MED13: variants seen among roughly 807,000 people sequenced by gnomAD.
The protein encoded by MED13 is mediator of RNA polymerase II transcription subunit 13.
MED13 carries 23 observed loss-of-function variants against 225.2 expected under a neutral mutation model. The observed-to-expected ratio is 0.10, with a 90% confidence interval of 0.07 to 0.14. The LOEUF is 0.14. MED13 is among the 10% of genes least tolerant of loss of function. The pLI is 1.00. For missense variants in MED13, 2,197 were observed against 2,594.5 expected (o/e 0.85, Z 3.33); for synonymous variants, 942 against 889.2 (o/e 1.06, Z -1.06).
chr17:61,971,405 T>C (rs1285061022), intron 17 of MED13, among the ~76,000 whole-genome samples: 1 of 151,738 alleles, frequency 6.6e-6, no homozygotes, highest in Non-Finnish European at 1.5e-5. Context: ...TGATTCTTCT[T>C]CTCCTGCCAC....
Position 62,029,908 on chromosome 17 carries a change from G to A in MED13, c.1115C>T (p.Ala372Val). 1.9e-6 allele frequency: 3 copies of A among 1,613,906 alleles called. No homozygotes were observed. Among genetic ancestry groups the A allele is most frequent in the Non-Finnish European group, 2.5e-6 (3 of 1,179,978 alleles). ...CCAAACTCTATCCACCACATGATTT[G>A]CTAATTTTCTGGGTATTTTCCCACC... ...HHGGKIPRKL[A>V]NHVVDRVWQE... The change falls in exon 7 of 30, where the codon GCA becomes GTA. Residue 372 changes from alanine to valine, a missense_variant. By Grantham distance (64) the Ala-to-Val change is moderately conservative. Coordinates refer to ENST00000397786, the MANE Select transcript of MED13 (RefSeq NM_005121.3).
intron 10 of MED13, among the ~76,000 whole-genome samples, chr17:61,993,691 A>G (rs1051716808): frequency 3.3e-5 from 5 of 151,768 alleles, no homozygotes; most frequent in Non-Finnish European, 7.4e-5. Context: ...GCACTTTGGG[A>G]GGCCGAGGCG....
At chr17:61,949,684 C>CT (rs540753006) in intron 28 of MED13, among the ~76,000 whole-genome samples, 5 of 151,588 alleles carry the variant, frequency 3.3e-5, no homozygotes, top group Admixed American at 6.6e-5. Context: ...GATTATAAAT[C>CT]TTTTTTTTGT....
At chr17:61,978,648 A>AGGTAGTATATAGTGCTAGAGTCAT (rs927181845) in intron 16 of MED13, among the ~76,000 whole-genome samples, 27 of 152,328 alleles carry the variant, frequency 1.8e-4, no homozygotes, top group African/African-American at 5.8e-4. Context: ...CCAAGGTAGC[A>AGGTAGTATATAGTGCTAGAGTCAT]GGTAGTATAT....
intron 8 of MED13, among the ~76,000 whole-genome samples, chr17:62,015,698 C>A (rs1379308856): frequency 6.7e-6 from 1 of 148,654 alleles, no homozygotes; most frequent in African/African-American, 2.5e-5. Context: ...CTCAGCCTCC[C>A]GAGTAGCTGG....
At chr17:62,058,534 A>AG in intron 2 of MED13, among the ~76,000 whole-genome samples, 1 of 151,156 alleles carries the variant, frequency 6.6e-6, no homozygotes, top group African/African-American at 2.4e-5. Flanking sequence ...AAAAAAAAAA[A>AG]AAAAAAAAGA....
Position 62,035,559 on chromosome 17 carries a change from C to T in MED13, c.520G>A (p.Val174Ile). 3 of 1,613,784 alleles carry T rather than the reference C, an allele frequency of 1.9e-6. No homozygotes were observed. The highest frequency in any genetic ancestry group is 2.5e-6 in the Non-Finnish European group (3 of 1,179,844). ...TGGTTAATTTCCACACTGGTACAAACATTGCTGTCTCCATGCAAGAAAAAG... is the reference window on the plus strand; with the variant it reads ...TGGTTAATTTCCACACTGGTACAAATATTGCTGTCTCCATGCAAGAAAAAG... ...FTFFLHGDSN[V>I]CTSVEINQHQ... The change falls in exon 4 of 30, where the codon GTT (valine) becomes ATT (isoleucine). Residue 174 changes from valine to isoleucine, a missense_variant. By Grantham distance (29) the Val-to-Ile change is conservative. Coordinates refer to ENST00000397786, the MANE Select transcript of MED13 (RefSeq NM_005121.3).
At chr17:62,033,649 A>C (rs2080776983) in intron 5 of MED13, 138 bp downstream of exon 5, 1 of 773,734 alleles carries the variant, frequency 1.3e-6, no homozygotes, top group African/African-American at 1.8e-5. Context: ...CCCTTAAGTA[A>C]TGTGGGCAGG....
At chr17:61,993,211 T>C (rs1205966382) in intron 10 of MED13, among the ~76,000 whole-genome samples, 1 of 143,690 alleles carries the variant, frequency 7.0e-6, no homozygotes, top group Non-Finnish European at 1.5e-5. Flanking sequence ...TTTTTTTTTT[T>C]TTTTTTTTGA....
Position 61,982,712 on chromosome 17 carries a change from A to G in MED13, c.3291T>C (p.Val1097=). 6.2e-7 allele frequency: 1 copy of G among 1,614,184 alleles called. No individual in the cohort carries two copies. The highest frequency in any genetic ancestry group is 8.5e-7 in the Non-Finnish European group (1 of 1,180,012). Residue 1097 remains valine, a synonymous_variant, in exon 16 of 30, where the codon GTT becomes GTC. Transcript: ENST00000397786. Reference sequence around the variant, plus strand: ...CGGCACCCTTGATGTTCATGTTGCAAACACAGATGCAACAACTATCAAAGT... The same window carrying G: ...CGGCACCCTTGATGTTCATGTTGCAGACACAGATGCAACAACTATCAAAGT... ...DCNFDSCCIC[V]CNMNIKGADV...
At chr17:61,973,792 G>T (rs1270384985) in intron 16 of MED13, among the ~76,000 whole-genome samples, 1 of 152,010 alleles carries the variant, frequency 6.6e-6, no homozygotes, top group Non-Finnish European at 1.5e-5. Flanking sequence ...GACCAGCCTG[G>T]CCAACACAGT....
At position 61,982,432 on chromosome 17, in the gene MED13, A is replaced by G. The variant is rs750665213; in HGVS notation, c.3571T>C (p.Leu1191=). The G allele has an allele frequency of 1.2e-5, 20 of 1,614,110 alleles. No individual in the cohort carries two copies. The African/African-American group carries it at 1.9e-4, about 15-fold the overall frequency. ...SEKLSDDLIL[L]LQDQCTNLFS... is the part of the protein sequence containing the mutation. Reference sequence around the variant, plus strand: ...AAATTAGTGCACTGATCTTGTAGCAATAATATCAAATCATCAGATAATTTT... The same window carrying G: ...AAATTAGTGCACTGATCTTGTAGCAGTAATATCAAATCATCAGATAATTTT... Residue 1191 remains leucine (L), a synonymous_variant, in exon 16 of 30, where the codon TTG becomes CTG. Coordinates refer to ENST00000397786, the MANE Select transcript of MED13 (RefSeq NM_005121.3).
chr17:62,063,345 C>T (rs764991068), intron 1 of MED13, 44 bp from the exon 2 acceptor site: 2 of 1,331,180 alleles, frequency 1.5e-6, no homozygotes, highest in South Asian at 2.5e-5. Context: ...CATATTCACT[C>T]AAAGTCAAAA....
At chr17:62,062,600 CCACACACACACACA>C (rs58730188) in intron 2 of MED13, among the ~76,000 whole-genome samples, 2 of 136,302 alleles carry the variant, frequency 1.5e-5, no homozygotes, top group Middle Eastern at 3.4e-3. Context: ...CACACACACA[CCACACACACACACA>C]CACACACACA....
At chr17:61,946,839 T>C (rs2079855212) in intron 29 of MED13, 78 bp downstream of exon 29, 3 of 1,389,154 alleles carry the variant, frequency 2.2e-6, no homozygotes, top group Middle Eastern at 1.8e-4. Context: ...TTGCCAAAAA[T>C]GAGAAAAATA....
chr17:62,033,694 C>T, intron 5 of MED13, 93 bp downstream of exon 5: 1 of 1,195,108 alleles, frequency 8.4e-7, no homozygotes, highest in Non-Finnish European at 1.2e-6. Context: ...TTGAAAGCCA[C>T]TGAGTTATTA....
At chr17:61,951,420 G>C (rs1019260224) in intron 27 of MED13, among the ~76,000 whole-genome samples, 1 of 152,132 alleles carries the variant, frequency 6.6e-6, no homozygotes, top group Non-Finnish European at 1.5e-5. Flanking sequence ...GCAGTTAATA[G>C]TGTTGTGAAA....
Position 62,019,482 on chromosome 17 carries a change from A to T in MED13, c.1284-8249T>A, listed in dbSNP as rs900912653. 7.2e-5 allele frequency among the ~76,000 whole-genome samples: 11 copies of T among 152,240 alleles called. 1 individual carries two copies. Among genetic ancestry groups the T allele is most frequent in the African/African-American group, 1.7e-4 (7 of 41,472 alleles). The stretch of plus-strand genomic sequence containing the variant: ...AAAAGTTTGAGAATTAGTCTATTTT[A>T]TGCAAGGCAGTAGGAGAAATAGGAT... On this transcript the variant is annotated intron_variant, in intron 8 of 29. Coordinates refer to ENST00000397786, the MANE Select transcript of MED13 (RefSeq NM_005121.3).
intron 28 of MED13, among the ~76,000 whole-genome samples, chr17:61,949,071 G>A (rs368736230): frequency 6.7e-6 from 1 of 149,656 alleles, no homozygotes; most frequent in East Asian, 2.0e-4. Context: ...CTGGGCGACA[G>A]AGCGAGACTC....
Sources: gnomAD v4.1 joint callset for allele counts (sites outside exome capture counted in the v4.1 genomes callset) on GRCh38, gnomAD v4.1.1 for gene constraint, MANE v1.5 for transcripts, NCBI Gene and HGNC (gene_info 2026-07-23, HGNC 2026-07-21) for gene names.